The following FNDC3B variants were observed in gnomAD, a reference collection of about 807,000 sequenced individuals.
The protein encoded by FNDC3B is fibronectin type III domain-containing protein 3B.
In FNDC3B, 12 loss-of-function variants were observed where a neutral mutation model predicts 151.5. That is an observed-to-expected ratio of 0.08 (90% CI 0.05 to 0.13). The LOEUF (loss-of-function observed/expected upper bound fraction) is 0.13, where lower values mean the gene tolerates loss of function less well. Ranked by LOEUF, FNDC3B falls within the 10% of genes least tolerant of loss-of-function variation. The pLI, the probability that FNDC3B is intolerant of heterozygous loss-of-function variation, is 1.00. For missense variants in FNDC3B, 1,214 were observed against 1,505.3 expected (o/e 0.81, Z 3.20); for synonymous variants, 528 against 549.0 (o/e 0.96, Z 0.54).
At chr3:172,190,732 G>A (rs1434119589) in intron 3 of FNDC3B, among the ~76,000 whole-genome samples, 2 of 152,250 alleles carry the variant, frequency 1.3e-5, no homozygotes, top group African/African-American at 2.4e-5. Flanking sequence ...GCAATGGCAC[G>A]ATCTTGGCTC....
In FNDC3B at chr3:172,239,331, G is replaced by A. The variant is rs527627644; in HGVS notation, c.265-8202G>A. ...TTGTTCTTCTCTTTGTTCATTGTTC[G>A]CATGCTCACTTTTATCTGAGACATC... On this transcript the variant is annotated intron_variant, in intron 4 of 25. Coordinates refer to ENST00000415807, the MANE Select transcript of FNDC3B (RefSeq NM_022763.4). 4.6e-5 allele frequency among the ~76,000 whole-genome samples: 7 copies of A among 152,154 alleles called. No homozygotes were observed. In the South Asian group the frequency reaches 1.5e-3, roughly 32 times the overall value.
intron 1 of FNDC3B, among the ~76,000 whole-genome samples, chr3:172,088,166 G>A (rs1056740193): frequency 6.6e-6 from 1 of 152,128 alleles, no homozygotes; most frequent in African/African-American, 2.4e-5. Flanking sequence ...ATAAAGTTAT[G>A]TGGCTAAACA....
chr3:172,343,603 C>T (rs1343948153), intron 18 of FNDC3B, among the ~76,000 whole-genome samples: 1 of 152,194 alleles, frequency 6.6e-6, no homozygotes, highest in East Asian at 1.9e-4. Flanking sequence ...TTAGCGTTTC[C>T]TGTTGTGTCC....
chr3:172,322,114 G>C (rs890686663), intron 11 of FNDC3B, among the ~76,000 whole-genome samples: 8 of 152,200 alleles, frequency 5.3e-5, no homozygotes, highest in Admixed American at 5.2e-4. Context: ...TGTGGACTCT[G>C]GGTTAGGGAT....
chr3:172,273,726 A>C (rs982205943), intron 6 of FNDC3B, among the ~76,000 whole-genome samples: 2 of 152,226 alleles, frequency 1.3e-5, no homozygotes, highest in African/African-American at 4.8e-5. Flanking sequence ...TCCACTCTAC[A>C]GTTTAGCACC....
chr3:172,384,778 T>G (rs748278476), intron 25 of FNDC3B, among the ~76,000 whole-genome samples: 2 of 152,238 alleles, frequency 1.3e-5, no homozygotes, highest in Non-Finnish European at 2.9e-5. Context: ...TGATCTCTTT[T>G]GAATGTTGTC....
At chr3:172,162,404 G>C (rs1256122660) in intron 3 of FNDC3B, among the ~76,000 whole-genome samples, 1 of 152,058 alleles carries the variant, frequency 6.6e-6, no homozygotes, top group Non-Finnish European at 1.5e-5. Flanking sequence ...ATAAACATTT[G>C]GGTTGTTTCC....
intron 1 of FNDC3B, among the ~76,000 whole-genome samples, chr3:172,095,268 A>G (rs2108515822): frequency 6.6e-6 from 1 of 152,308 alleles, no homozygotes; most frequent in Middle Eastern, 3.4e-3. Flanking sequence ...CTGATCTACT[A>G]GGGATGTTTA....
chr3:172,315,414 T>C (rs1401921973), intron 11 of FNDC3B, among the ~76,000 whole-genome samples: 2 of 152,198 alleles, frequency 1.3e-5, no homozygotes, highest in Non-Finnish European at 2.9e-5. Context: ...GTCATTGGCT[T>C]TTCAGCTGTG....
intron 2 of FNDC3B, among the ~76,000 whole-genome samples, chr3:172,119,929 A>G (rs980187556): frequency 2.6e-5 from 4 of 152,150 alleles, no homozygotes; most frequent in African/African-American, 9.7e-5. Context: ...CCTTTTAACT[A>G]TAAAAAAAAG....
intron 4 of FNDC3B, among the ~76,000 whole-genome samples, chr3:172,245,144 A>C (rs974455852): frequency 1.3e-5 from 2 of 152,222 alleles, no homozygotes; most frequent in Non-Finnish European, 2.9e-5. Context: ...AAACTTCAAA[A>C]AGTTAGTGCT....
intron 11 of FNDC3B, among the ~76,000 whole-genome samples, chr3:172,317,847 T>A (rs1271949471): frequency 6.6e-6 from 1 of 152,236 alleles, no homozygotes; most frequent in South Asian, 2.1e-4. Context: ...TAAAAACTGA[T>A]GTTAGTGCTA....
At chr3:172,376,897 G>A (rs1239516868) in intron 23 of FNDC3B, among the ~76,000 whole-genome samples, 2 of 151,360 alleles carry the variant, frequency 1.3e-5, no homozygotes, top group African/African-American at 2.4e-5. Flanking sequence ...AAAAGAAAAT[G>A]TTTTAGATCT....
intron 3 of FNDC3B, among the ~76,000 whole-genome samples, chr3:172,192,774 C>A (rs540584746): frequency 2.0e-4 from 31 of 152,114 alleles, no homozygotes. Flanking sequence ...TGAAGATTCT[C>A]AGATGAAGAG....
chr3:172,127,071 G>C (rs1263531681), intron 2 of FNDC3B: 3 of 456,526 alleles, frequency 6.6e-6, no homozygotes, highest in South Asian at 1.5e-5. Flanking sequence ...AGAAGTGGCT[G>C]GTTTTAGATT....
intron 3 of FNDC3B, among the ~76,000 whole-genome samples, chr3:172,197,350 G>GT (rs1338449140): frequency 3.9e-5 from 6 of 152,142 alleles, no homozygotes; most frequent in South Asian, 2.1e-4. Flanking sequence ...CAGAGAACAT[G>GT]TTTTTTCTGA....
intron 6 of FNDC3B, among the ~76,000 whole-genome samples, chr3:172,257,519 C>T (rs1287959875): frequency 2.0e-5 from 3 of 151,208 alleles, no homozygotes; most frequent in Non-Finnish European, 4.4e-5. Context: ...GTGTGGATTA[C>T]CAGTTTTAAA....
chr3:172,134,229 A>T (rs1287726966), intron 3 of FNDC3B: 4 of 410,186 alleles, frequency 9.8e-6, no homozygotes, highest in Non-Finnish European at 2.0e-5. Context: ...CTCCTAGCAC[A>T]CTTCTAGTGT....
intron 4 of FNDC3B, among the ~76,000 whole-genome samples, chr3:172,230,315 A>T (rs559611935): frequency 6.7e-6 from 1 of 150,316 alleles, no homozygotes; most frequent in South Asian, 2.2e-4. Flanking sequence ...CAACATGATG[A>T]AACCTTATCT....
Sources: gnomAD v4.1 joint callset for allele counts (sites outside exome capture counted in the v4.1 genomes callset) on GRCh38, gnomAD v4.1.1 for gene constraint, MANE v1.5 for transcripts, NCBI Gene and HGNC (gene_info 2026-07-23, HGNC 2026-07-21) for gene names.